DNAH14: variants seen among roughly 807,000 people sequenced by gnomAD.
DNAH14 encodes axonemal beta dynein heavy chain 14.
In DNAH14, 478 loss-of-function variants were observed where a neutral mutation model predicts 520.9. The observed-to-expected ratio is 0.92, with a 90% CI of 0.85 to 0.99. DNAH14 has a LOEUF of 0.99. Among genes scored for constraint, DNAH14 ranks in the 50% least tolerant of loss-of-function variants. DNAH14 has a pLI of 0.00. For synonymous variants in DNAH14, 1,581 were observed against 1,757.2 expected (o/e 0.90, Z 2.51); for missense variants, 4,831 against 5,234.5 (o/e 0.92, Z 2.38).
chr1:225,353,975 C>A, intron 73 of DNAH14, 87 bp downstream of exon 73: 1 of 789,412 alleles, frequency 1.3e-6, no homozygotes, highest in Non-Finnish European at 2.1e-6. Flanking sequence ...TAAAATTTTA[C>A]AAGCAAAGTG....
intron 31 of DNAH14, among the ~76,000 whole-genome samples, chr1:225,149,832 CAT>C (rs112685016): frequency 0.074 from 11,317 of 152,130 alleles, 639 homozygotes; most frequent in East Asian, 0.24. Context: ...GATATAGAAT[CAT>C]GGCATCTGCA....
At chr1:225,389,031 T>G (rs971651068) in intron 82 of DNAH14, among the ~76,000 whole-genome samples, 3 of 152,248 alleles carry the variant, frequency 2.0e-5, no homozygotes, top group African/African-American at 7.2e-5. Flanking sequence ...GTGCAGGGAT[T>G]ACAGGCATGA....
At chr1:224,962,861 T>A (rs1460285341) in intron 4 of DNAH14, among the ~76,000 whole-genome samples, 1 of 152,188 alleles carries the variant, frequency 6.6e-6, no homozygotes, top group Non-Finnish European at 1.5e-5. Context: ...TCGAACAGTC[T>A]TTGTCAGATC....
rs2078273133 is a variant in DNAH14 at position 225,130,470 on chromosome 1, CA to C, written c.4254+6857del. 2.0e-5 allele frequency among the ~76,000 whole-genome samples: 3 copies of C among 151,804 alleles called. No homozygotes were observed. The South Asian group carries it at 6.2e-4, about 32-fold the overall frequency. The stretch of plus-strand genomic sequence containing the variant: ...TTAAGAAAATGTGGCACATATACAC[CA>C]TGGAATACTATGCAGGCATAAAAAA... On this transcript the variant is annotated intron_variant, in intron 27 of 85. Transcript: ENST00000682510.
chr1:225,090,638 G>T (rs907736424), intron 21 of DNAH14, among the ~76,000 whole-genome samples: 1 of 152,044 alleles, frequency 6.6e-6, no homozygotes, highest in African/African-American at 2.4e-5. Flanking sequence ...AATTTTTAAA[G>T]AAATTGTGCT....
intron 72 of DNAH14, 90 bp downstream of exon 72, chr1:225,351,973 T>G: frequency 9.4e-7 from 1 of 1,068,284 alleles, no homozygotes; most frequent in South Asian, 1.7e-5. Context: ...TTATCTTACA[T>G]TATGAAAAAA....
intron 1 of DNAH14, among the ~76,000 whole-genome samples, chr1:224,947,130 C>G (rs1571967386): frequency 6.6e-6 from 1 of 152,084 alleles, no homozygotes; most frequent in East Asian, 1.9e-4. Flanking sequence ...GTTAGTCAGG[C>G]TGGTCTGGAA....
At chr1:225,029,961 G>A (rs1323452926) in intron 11 of DNAH14, among the ~76,000 whole-genome samples, 1 of 151,856 alleles carries the variant, frequency 6.6e-6, no homozygotes. Context: ...GATACCAAGT[G>A]GAGAGTGTTT....
At position 225,392,398 on chromosome 1, in the gene DNAH14, A is replaced by C. The variant is rs549469012; in HGVS notation, c.13438A>C (p.Lys4480Gln). 245 of 1,552,106 alleles carry C rather than the reference A, an allele frequency of 1.6e-4. 1 individual carries two copies. The South Asian group carries it at 2.8e-3, about 18-fold the overall frequency. Residue 4480 changes from lysine to glutamine, a missense_variant, in exon 84 of 86, where the codon AAG (lysine) becomes CAG (glutamine). Transcript: ENST00000682510. Reference protein sequence around the residue: ...VISNTTDKDEKFSVFMPKKLN... With the variant: ...VISNTTDKDEQFSVFMPKKLN... The stretch of plus-strand genomic sequence containing the variant: ...TTCCAACACCACTGACAAGGATGAG[A>C]AGTTCTCCGTATTTATGCCAAAGAA...
chr1:225,038,879 T>C (rs2067201848), intron 12 of DNAH14, 56 bp downstream of exon 12: 5 of 1,374,194 alleles, frequency 3.6e-6, no homozygotes, highest in Non-Finnish European at 4.8e-6. Flanking sequence ...AATGAATACA[T>C]TTTAAAATTT....
At chr1:224,938,582 A>C (rs1314157256) in intron 1 of DNAH14, among the ~76,000 whole-genome samples, 1 of 152,216 alleles carries the variant, frequency 6.6e-6, no homozygotes, top group Non-Finnish European at 1.5e-5. Flanking sequence ...ATCCTCATAC[A>C]CTGTTGGTGG....
At chr1:225,061,283 G>T (rs533586819) in intron 17 of DNAH14, among the ~76,000 whole-genome samples, 1 of 152,228 alleles carries the variant, frequency 6.6e-6, no homozygotes. Flanking sequence ...AGCAATGAGC[G>T]TGGCTCCGTG....
chr1:224,983,147 A>G (rs1001825005), intron 8 of DNAH14, among the ~76,000 whole-genome samples: 15 of 152,280 alleles, frequency 9.9e-5, no homozygotes, highest in African/African-American at 3.6e-4. Flanking sequence ...TGTTAGGTGC[A>G]TATATGTTTA....
intron 50 of DNAH14, 35 bp downstream of exon 50, chr1:225,270,901 T>A (rs1408351627): frequency 6.5e-7 from 1 of 1,530,762 alleles, no homozygotes; most frequent in Non-Finnish European, 8.8e-7. Context: ...CTGAAAAAAA[T>A]TAATTCCCTA....
chr1:225,260,114 G>A (rs967580068), intron 46 of DNAH14, among the ~76,000 whole-genome samples: 10 of 152,052 alleles, frequency 6.6e-5, no homozygotes, highest in Non-Finnish European at 1.2e-4. Flanking sequence ...ACTTTAGGAG[G>A]CAGAGGCAGG....
intron 1 of DNAH14, among the ~76,000 whole-genome samples, chr1:224,944,443 C>G (rs549993364): frequency 6.6e-6 from 1 of 152,154 alleles, no homozygotes; most frequent in East Asian, 1.9e-4. Flanking sequence ...GACTCTTTAT[C>G]CAGCTTGCCA....
At chr1:225,152,635 A>G in intron 32 of DNAH14, 62 bp from the exon 33 acceptor site, 2 of 1,404,760 alleles carry the variant, frequency 1.4e-6, no homozygotes, top group East Asian at 2.5e-5. Context: ...AAAGTATGTG[A>G]TTCCTTATTT....
chr1:225,000,311 C>A (rs2063671121), intron 8 of DNAH14, among the ~76,000 whole-genome samples: 1 of 151,942 alleles, frequency 6.6e-6, no homozygotes, highest in African/African-American at 2.4e-5. Flanking sequence ...AAGGTTTTTT[C>A]TTTGTGTTTA....
rs2073673125 is a variant in DNAH14, at chr1:225,085,641, A to G, written c.3425A>G (p.Asn1142Ser). ...KMLFKIIDFW[N>S]TTPLPLILHH... Reference sequence around the variant, plus strand: ...CTATTTAAGATTATTGATTTTTGGAACACTACTCCTTTGCCTTTAATTCTT... The same window carrying G: ...CTATTTAAGATTATTGATTTTTGGAGCACTACTCCTTTGCCTTTAATTCTT... Residue 1142 changes from asparagine to serine, a missense_variant, in exon 21 of 86, where the codon AAC becomes AGC. Physicochemically the swap from Asn to Ser is conservative, Grantham distance 46 (BLOSUM62 1). Transcript: ENST00000682510. 6.4e-7 allele frequency: 1 copy of G among 1,551,256 alleles called. No individual in the cohort carries two copies.
Sources: gnomAD v4.1 joint callset for allele counts (sites outside exome capture counted in the v4.1 genomes callset) on GRCh38, gnomAD v4.1.1 for gene constraint, MANE v1.5 for transcripts, NCBI Gene and HGNC (gene_info 2026-07-23, HGNC 2026-07-21) for gene names.